SLC6A13: variants seen among roughly 807,000 people sequenced by gnomAD.
SLC6A13 encodes the protein sodium- and chloride-dependent GABA transporter 2.
A neutral mutation model predicts 72.9 loss-of-function variants in SLC6A13; 69 were observed. The ratio of observed to expected loss-of-function variants is 0.95; its 90% CI spans 0.78 to 1.16. The LOEUF is 1.16. Among genes scored for constraint, SLC6A13 ranks in the 50% most tolerant of loss-of-function variants. The pLI is 0.00. For synonymous variants in SLC6A13, 303 were observed against 303.0 expected, an observed-to-expected ratio of 1.00 and a Z score of 0.00; for missense variants, 735 against 760.5, an observed-to-expected ratio of 0.97 and a Z score of 0.39.
intron 2 of SLC6A13, among the ~76,000 whole-genome samples, chr12:246,132 A>AAAATAAATAAATAAAT (rs71045049): frequency 0.069 from 10,085 of 146,876 alleles, 428 homozygotes; most frequent in Non-Finnish European, 0.092. Context: ...AATAAAAGTA[A>AAAATAAATAAATAAAT]AAATAAATAA....
At chr12:224,255 G>C (rs1312617575) in intron 10 of SLC6A13, 126 bp from the exon 11 acceptor site, 8 of 1,423,298 alleles carry the variant, frequency 5.6e-6, no homozygotes, top group Non-Finnish European at 7.8e-6. Flanking sequence ...CTGAGCTATT[G>C]TCCTTGCCTG....
rs140625917 is a variant in SLC6A13 at position 236,436 on chromosome 12, T to C, written c.696+722A>G. 2.3e-4 allele frequency among the ~76,000 whole-genome samples: 35 copies of C among 152,332 alleles called. No individual in the cohort carries two copies. The East Asian group carries it at 6.4e-3, about 28-fold the overall frequency. ...TTATGGAAAATAGAAAGAACCTACT[T>C]TGAAATATTGGGAGCGGGTTCCCCG... On this transcript the variant is annotated intron_variant, in intron 6 of 14. Transcript: ENST00000343164.
At chr12:227,459 G>C (rs1941509008) in intron 8 of SLC6A13, 106 bp downstream of exon 8, 6 of 1,547,268 alleles carry the variant, frequency 3.9e-6, no homozygotes, top group South Asian at 3.6e-5. Flanking sequence ...AGACAGGGGG[G>C]CAGATCCAGG....
intron 7 of SLC6A13, among the ~76,000 whole-genome samples, chr12:234,259 T>A (rs914757508): frequency 6.6e-6 from 1 of 152,202 alleles, no homozygotes; most frequent in Non-Finnish European, 1.5e-5. Context: ...ACCAGCTCCA[T>A]GACAGTTTAC....
intron 7 of SLC6A13, 147 bp from the exon 8 acceptor site, chr12:227,815 CT>C (rs1259488862): frequency 1.5e-6 from 1 of 675,426 alleles, no homozygotes; most frequent in African/African-American, 1.8e-5. Context: ...CCTGCTACCT[CT>C]GCTCACCCCA....
chr12:262,211 G>A (rs1053093249), intron 1 of SLC6A13, among the ~76,000 whole-genome samples: 2 of 152,184 alleles, frequency 1.3e-5, no homozygotes, highest in African/African-American at 2.4e-5. Context: ...CATTAGAGCT[G>A]CTTCTCAGAG....
rs1171647779 is a variant in SLC6A13, at chr12:242,680, A to C, written c.412T>G (p.Phe138Val). ...ATGGTGAAGCTGCTGAAGAGGTAGA[A>C]CAGGGCCCAGGCCAACACAATGATG... The part of the protein sequence containing the change: ...YYIIVLAWAL[F>V]YLFSSFTIDL... Residue 138 changes from phenylalanine to valine, a missense_variant, in exon 4 of 15, where the codon TTC becomes GTC. Phe to Val is a conservative substitution (Grantham distance 50). Coordinates refer to ENST00000343164, the MANE Select transcript of SLC6A13 (RefSeq NM_016615.5). 6.2e-7 allele frequency: 1 copy of C among 1,612,794 alleles called. No individual in the cohort carries two copies. The highest frequency in any genetic ancestry group is 1.1e-5 in the South Asian group (1 of 90,564).
chr12:220,690 A>G lies in SLC6A13; in HGVS notation c.*258T>C. Reference sequence around the variant, plus strand: ...GCCCGAAGCCAGCAAGTCTCGCCCCACCTACCAGCCCCCACCCAGCTTCCC... The same window carrying G: ...GCCCGAAGCCAGCAAGTCTCGCCCCGCCTACCAGCCCCCACCCAGCTTCCC... On this transcript the variant is annotated 3_prime_UTR_variant, in exon 15 of 15. Coordinates refer to ENST00000343164, the MANE Select transcript of SLC6A13 (RefSeq NM_016615.5). 2.2e-6 allele frequency: 1 copy of G among 452,732 alleles called. No individual in the cohort carries two copies. The highest frequency in any genetic ancestry group is 2.4e-5 in the South Asian group (1 of 41,844). The allele number at this position is 452,732 out of a possible 1,614,324, so 28.0% of individuals were successfully genotyped here.
intron 1 of SLC6A13, 32 bp from the exon 2 acceptor site, chr12:260,089 TGGGAACCCCAGAA>T (rs760314267): frequency 5.9e-5 from 94 of 1,597,422 alleles, no homozygotes; most frequent in Middle Eastern, 3.3e-4. Context: ...CTGTTACTGT[TGGGAACCCCAGAA>T]GGAAACCCCT....
chr12:256,436 C>T (rs1375595993), intron 2 of SLC6A13: 1 of 152,162 alleles, frequency 6.6e-6, no homozygotes, highest in Non-Finnish European at 1.5e-5. Context: ...GATTATTTAC[C>T]CAGGAGATGG....
intron 11 of SLC6A13, 70 bp downstream of exon 11, chr12:223,922 C>T: frequency 1.3e-6 from 2 of 1,563,936 alleles, no homozygotes; most frequent in East Asian, 4.5e-5. Flanking sequence ...AGGGTATCTG[C>T]CTCACTGACA....
intron 4 of SLC6A13, chr12:238,273 G>T: frequency 6.9e-7 from 1 of 1,457,912 alleles, no homozygotes; most frequent in Non-Finnish European, 9.1e-7. Context: ...CAACAGGAAA[G>T]GTGCTCTTCA....
intron 4 of SLC6A13, among the ~76,000 whole-genome samples, chr12:241,472 C>T (rs926781315): frequency 1.2e-4 from 19 of 152,086 alleles, no homozygotes; most frequent in Admixed American, 6.5e-4. Context: ...CCATGCCGTC[C>T]GACAGGGCAG....
chr12:223,056 G>A, intron 12 of SLC6A13, 76 bp downstream of exon 12: 1 of 881,582 alleles, frequency 1.1e-6, no homozygotes, highest in Non-Finnish European at 1.8e-6. Flanking sequence ...AGCAGTAGAT[G>A]TCTGTTTCGT....
In SLC6A13 at chr12:242,753, G is replaced by A; in HGVS notation, c.339C>T (p.Gly113=). ...CGATCATCTGGGAGGCATAGCCAATGCCTGCGGGGAAACTGCAGAATTGGG... is the reference window on the plus strand; with the variant it reads ...CGATCATCTGGGAGGCATAGCCAATACCTGCGGGGAAACTGCAGAATTGGG... The part of the protein sequence containing the change: ...AWRKICPIFE[G]IGYASQMIVI... Residue 113 remains glycine (G), a splice_region_variant and synonymous_variant, in exon 4 of 15, where the codon GGC becomes GGT. Coordinates refer to ENST00000343164, the MANE Select transcript of SLC6A13 (RefSeq NM_016615.5). The A allele has an allele frequency of 6.3e-7, 1 of 1,579,092 alleles. No individual in the cohort carries two copies.
At chr12:248,661 T>C (rs998544631) in intron 2 of SLC6A13, among the ~76,000 whole-genome samples, 8 of 152,238 alleles carry the variant, frequency 5.3e-5, no homozygotes, top group African/African-American at 1.4e-4. Context: ...AAGAGAAACA[T>C]ATAAACTAAT....
intron 2 of SLC6A13, among the ~76,000 whole-genome samples, chr12:244,993 T>C (rs983748554): frequency 1.3e-5 from 2 of 152,346 alleles, no homozygotes; most frequent in East Asian, 1.9e-4. Flanking sequence ...TTCCCTACCA[T>C]GGACCTGTCA....
chr12:247,005 C>CT (rs1942374505), intron 2 of SLC6A13, among the ~76,000 whole-genome samples: 1 of 88,004 alleles, frequency 1.1e-5, no homozygotes, highest in Admixed American at 1.4e-4. Context: ...GAGACTCCAT[C>CT]TCAAAAAAAA....
chr12:256,550 A>C (rs981104295), intron 2 of SLC6A13: 3 of 152,092 alleles, frequency 2.0e-5, no homozygotes, highest in Non-Finnish European at 4.4e-5. Flanking sequence ...CTGCCTTTTG[A>C]CTACAGTTTT....
Sources: allele counts gnomAD v4.1 joint callset (sites outside exome capture counted in the v4.1 genomes callset), GRCh38; gene constraint gnomAD v4.1.1; transcripts MANE v1.5; gene names NCBI Gene and HGNC (gene_info 2026-07-23, HGNC 2026-07-21).